The following MAP3K5 variants were observed in gnomAD, a reference collection of about 807,000 sequenced individuals.
MAP3K5 encodes mitogen-activated protein kinase kinase kinase 5, also known as ASK-1.
MAP3K5 carries 56 observed loss-of-function variants against 158.7 expected under a neutral mutation model. The ratio of observed to expected loss-of-function variants is 0.35; its 90% CI spans 0.28 to 0.44. MAP3K5 has a LOEUF of 0.44. Ranked by LOEUF, MAP3K5 falls within the 20% of genes least tolerant of loss-of-function variation. The pLI, the probability that MAP3K5 is intolerant of heterozygous loss-of-function variation, is 1.00. For synonymous variants in MAP3K5, 579 were observed against 601.7 expected (o/e 0.96, Z 0.55); for missense variants, 1,294 against 1,674.8 (o/e 0.77, Z 3.97).
At chr6:136,645,228 C>T (rs999969574) in intron 11 of MAP3K5, among the ~76,000 whole-genome samples, 3 of 152,254 alleles carry the variant, frequency 2.0e-5, no homozygotes, top group Admixed American at 1.3e-4. Flanking sequence ...TCACCATGCT[C>T]GGCCTGTAAT....
intron 14 of MAP3K5, among the ~76,000 whole-genome samples, chr6:136,635,712 A>C (rs1188792188): frequency 1.4e-5 from 2 of 138,434 alleles, no homozygotes; most frequent in South Asian, 4.8e-4. Flanking sequence ...ACAAAGTGAG[A>C]TCCCGTCTCC....
intron 18 of MAP3K5, among the ~76,000 whole-genome samples, chr6:136,606,808 C>T (rs970033682): frequency 6.6e-6 from 1 of 152,360 alleles, no homozygotes; most frequent in South Asian, 2.1e-4. Context: ...AGGAATGCCT[C>T]ATGCATGGTT....
chr6:136,617,435 G>A lies in MAP3K5; in HGVS notation c.2151-3149C>T, dbSNP rs559690976. Among the ~76,000 whole-genome samples the A allele has an allele frequency of 3.3e-5, 5 of 152,160 alleles. No homozygotes were observed. In the South Asian group the frequency reaches 8.3e-4, roughly 25 times the overall value. ...ACAAAACTATTAATCCATAGGTATC[G>A]CCAGACATCCCCTCTGAGTCAAATC... On this transcript the variant is annotated intron_variant, in intron 15 of 29. Transcript: ENST00000359015.
At chr6:136,707,569 G>T (rs4896213) in intron 2 of MAP3K5, among the ~76,000 whole-genome samples, 1 of 151,470 alleles carries the variant, frequency 6.6e-6, no homozygotes, top group Non-Finnish European at 1.5e-5. Flanking sequence ...GGGGGGGGGG[G>T]AACCCCTTGA....
In MAP3K5 at chr6:136,694,071, C is replaced by T. The variant is rs573706808; in HGVS notation, c.1253+69G>A. The T allele has an allele frequency of 2.4e-5, 29 of 1,200,200 alleles. 1 individual carries two copies. 74.3% of individuals were successfully genotyped at this position (1,200,200 alleles called of 1,614,324 possible). A position where few individuals can be genotyped will look rare whatever the true frequency, so the allele number is the denominator to read the frequency against. ...GATTATAATAATACTTTAACACTCT[C>T]ATTTGCAAATACTTTTTTATGCCAT... On this transcript the variant is annotated intron_variant, in intron 7 of 29. Coordinates refer to ENST00000359015, the MANE Select transcript of MAP3K5 (RefSeq NM_005923.4).
chr6:136,698,347 C>G (rs1291809345), intron 4 of MAP3K5, 142 bp downstream of exon 4: 8 of 662,290 alleles, frequency 1.2e-5, no homozygotes, highest in Non-Finnish European at 2.0e-5. Flanking sequence ...TCTATTTTAT[C>G]TACTTGGAGG....
intron 1 of MAP3K5, 21 bp downstream of exon 1, chr6:136,791,689 G>C (rs375336782): frequency 4.8e-5 from 78 of 1,612,040 alleles, no homozygotes; most frequent in Non-Finnish European, 6.4e-5. Context: ...GCGCGGGATG[G>C]GAAAGGGGTC....
At chr6:136,788,642 T>C (rs951149545) in intron 1 of MAP3K5, among the ~76,000 whole-genome samples, 1 of 152,130 alleles carries the variant, frequency 6.6e-6, no homozygotes, top group Non-Finnish European at 1.5e-5. Flanking sequence ...AACAAACTTA[T>C]GAAAAAATGT....
chr6:136,752,408 G>T (rs558382009), intron 1 of MAP3K5, among the ~76,000 whole-genome samples: 8 of 152,166 alleles, frequency 5.3e-5, no homozygotes, highest in African/African-American at 1.9e-4. Flanking sequence ...TTTCAGCTGG[G>T]TTTTTTTGTT....
chr6:136,740,097 A>G lies in MAP3K5; in HGVS notation c.449-19508T>C, dbSNP rs74787359. Among the ~76,000 whole-genome samples, 31 of 152,358 alleles carry G rather than the reference A, an allele frequency of 2.0e-4. No homozygotes were observed. The East Asian group carries it at 5.8e-3, about 28-fold the overall frequency. ...CTGCTTTTTCCAAATCTCCCAGCCA[A>G]GGTAATGATGGAAATTTTACAAATG... is the stretch of plus-strand genomic sequence containing the variant. On this transcript the variant is annotated intron_variant, in intron 1 of 29. Coordinates refer to ENST00000359015, the MANE Select transcript of MAP3K5 (RefSeq NM_005923.4).
chr6:136,726,551 T>A (rs1003722901), intron 1 of MAP3K5, among the ~76,000 whole-genome samples: 1 of 151,932 alleles, frequency 6.6e-6, no homozygotes, highest in Non-Finnish European at 1.5e-5. Context: ...CAAGATCACA[T>A]GACTGCACTC....
At chr6:136,717,553 G>A (rs1583470082) in intron 2 of MAP3K5, among the ~76,000 whole-genome samples, 1 of 152,174 alleles carries the variant, frequency 6.6e-6, no homozygotes. Flanking sequence ...ACAGAGAAAT[G>A]CTTTGTTTTT....
chr6:136,564,634 C>T lies in MAP3K5; in HGVS notation c.3762-2019G>A, dbSNP rs765397760. Reference sequence around the variant, plus strand: ...ATCTTCTTACTGTTTTCTCAAGGAACACAGTGATGTTTTCTAGAGTTTAAC... The same window carrying T: ...ATCTTCTTACTGTTTTCTCAAGGAATACAGTGATGTTTTCTAGAGTTTAAC... On this transcript the variant is annotated intron_variant, in intron 26 of 29. Coordinates refer to ENST00000359015, the MANE Select transcript of MAP3K5 (RefSeq NM_005923.4). Among the ~76,000 whole-genome samples, 27 of 152,204 alleles carry T rather than the reference C, an allele frequency of 1.8e-4. 1 individual carries two copies. Among genetic ancestry groups the T allele is most frequent in the Non-Finnish European group, 1.3e-4 (9 of 68,042 alleles).
intron 4 of MAP3K5, among the ~76,000 whole-genome samples, 182 bp from the exon 5 acceptor site, chr6:136,697,569 G>A (rs182649009): frequency 1.7e-4 from 24 of 142,448 alleles, no homozygotes; most frequent in Non-Finnish European, 1.9e-4. Context: ...AAATTTAGAA[G>A]CCAATGTATT....
chr6:136,677,496 CA>C (rs771097680), intron 7 of MAP3K5, among the ~76,000 whole-genome samples: 2 of 152,168 alleles, frequency 1.3e-5, no homozygotes, highest in Non-Finnish European at 2.9e-5. Flanking sequence ...GTTACAGTAT[CA>C]AACAACTTGC....
intron 15 of MAP3K5, 131 bp downstream of exon 15, chr6:136,622,717 T>C (rs1776862468): frequency 1.0e-6 from 1 of 987,932 alleles, no homozygotes; most frequent in Non-Finnish European, 1.5e-6. Flanking sequence ...CAGCGAAACC[T>C]CAGAAGGAGC....
chr6:136,669,436 A>C, intron 7 of MAP3K5, 41 bp from the exon 8 acceptor site: 1 of 1,174,502 alleles, frequency 8.5e-7, no homozygotes, highest in Non-Finnish European at 1.3e-6. Context: ...TTTCTCAATC[A>C]TGAAACCCTG....
At chr6:136,676,312 G>A (rs1583398748) in intron 7 of MAP3K5, among the ~76,000 whole-genome samples, 2 of 152,236 alleles carry the variant, frequency 1.3e-5, no homozygotes, top group South Asian at 2.1e-4. Flanking sequence ...TGGTAAATAC[G>A]TCAGTTCATA....
intron 1 of MAP3K5, among the ~76,000 whole-genome samples, chr6:136,783,312 A>G (rs1784697987): frequency 7.1e-6 from 1 of 141,768 alleles, no homozygotes; most frequent in Non-Finnish European, 1.6e-5. Flanking sequence ...ACAAACCAAT[A>G]TATCAGAGTC....
Sources: gnomAD v4.1 joint callset for allele counts (sites outside exome capture counted in the v4.1 genomes callset) on GRCh38, gnomAD v4.1.1 for gene constraint, MANE v1.5 for transcripts, NCBI Gene and HGNC (gene_info 2026-07-23, HGNC 2026-07-21) for gene names.